Variants in GIPC2 observed in about 807,000 individuals in gnomAD.
GIPC2 encodes the protein GIPC PDZ domain containing family member 2.
In GIPC2, 30 loss-of-function variants were observed where a neutral mutation model predicts 30.6. That is an observed-to-expected ratio of 0.98 (90% confidence interval 0.73 to 1.33). The LOEUF is 1.33. Ranked by LOEUF, GIPC2 falls within the 40% of genes most tolerant of loss-of-function variation. GIPC2 has a pLI of 0.00. For synonymous variants in GIPC2, 167 were observed against 150.0 expected (o/e 1.11, Z -0.83); for missense variants, 414 against 390.3 (o/e 1.06, Z -0.51).
chr1:78,056,534 G>T (rs1661301062), intron 1 of GIPC2, among the ~76,000 whole-genome samples: 2 of 152,208 alleles, frequency 1.3e-5, no homozygotes, highest in South Asian at 4.1e-4. Flanking sequence ...CAAGGAAATA[G>T]TGTAATTAAC....
At chr1:78,090,297 C>T (rs950741003) in intron 2 of GIPC2, among the ~76,000 whole-genome samples, 7 of 152,244 alleles carry the variant, frequency 4.6e-5, no homozygotes, top group South Asian at 2.1e-4. Context: ...TGGGTTCAAG[C>T]GATTCTCCTG....
intron 3 of GIPC2, among the ~76,000 whole-genome samples, chr1:78,111,413 A>G (rs747323323): frequency 2.0e-5 from 3 of 152,184 alleles, no homozygotes; most frequent in Non-Finnish European, 4.4e-5. Context: ...AGAGGACCTC[A>G]GATGGAGCAA....
chr1:78,048,966 C>T (rs1557524034), intron 1 of GIPC2, among the ~76,000 whole-genome samples: 1 of 152,136 alleles, frequency 6.6e-6, no homozygotes, highest in Admixed American at 6.5e-5. Context: ...AGTTTTCCAT[C>T]TGGATTAGAA....
Position 78,046,313 on chromosome 1 carries a change from G to T in GIPC2, c.219G>T (p.Ala73=). 1 of 1,611,266 alleles carries T rather than the reference G, an allele frequency of 6.2e-7. No homozygotes were observed. Among genetic ancestry groups the T allele is most frequent in the Non-Finnish European group, 8.5e-7 (1 of 1,179,410 alleles). ...IQELYAQIAG[A]FEISPSEILY... is the part of the protein sequence containing the mutation. ...AGCTCTACGCCCAGATCGCGGGCGC[G>T]TTTGAAATCTCGCCGTCGGAGGTAA... The change falls in exon 1 of 6, where the codon GCG becomes GCT. Residue 73 remains alanine, a synonymous_variant. Transcript: ENST00000370759.
At chr1:78,107,183 T>C (rs1662370806) in intron 3 of GIPC2, among the ~76,000 whole-genome samples, 1 of 151,070 alleles carries the variant, frequency 6.6e-6, no homozygotes, top group Non-Finnish European at 1.5e-5. Context: ...CCTCCCTCCT[T>C]CCAGGGTCTC....
chr1:78,100,585 A>G (rs957609511), intron 3 of GIPC2, among the ~76,000 whole-genome samples: 1 of 152,174 alleles, frequency 6.6e-6, no homozygotes, highest in Non-Finnish European at 1.5e-5. Context: ...GAAATTATAA[A>G]TACAATTTTG....
At chr1:78,098,591 C>G (rs886403857) in intron 3 of GIPC2, among the ~76,000 whole-genome samples, 1 of 152,120 alleles carries the variant, frequency 6.6e-6, no homozygotes, top group Non-Finnish European at 1.5e-5. Flanking sequence ...TCCTGCCTTT[C>G]GAGGAGCTCA....
In GIPC2 at chr1:78,082,141, A is replaced by G. The variant is rs185603286; in HGVS notation, c.426+1281A>G. ...ATGGATAGGTACTATTTCCAACCTT[A>G]TTTTACAGATGTGGAAACAGGCTCA... On this transcript the variant is annotated intron_variant, in intron 2 of 5. Coordinates refer to ENST00000370759, the MANE Select transcript of GIPC2 (RefSeq NM_017655.6). Among the ~76,000 whole-genome samples the G allele has an allele frequency of 5.3e-5, 8 of 152,204 alleles. No individual in the cohort carries two copies. The East Asian group carries it at 1.3e-3, about 26-fold the overall frequency.
intron 1 of GIPC2, among the ~76,000 whole-genome samples, chr1:78,075,169 A>AAT (rs1239224164): frequency 6.6e-6 from 1 of 152,310 alleles, no homozygotes; most frequent in African/African-American, 2.4e-5. Context: ...ATTTTACATA[A>AAT]AAGAGAGCTG....
At chr1:78,116,665 T>G (rs1231076126) in intron 3 of GIPC2, among the ~76,000 whole-genome samples, 1 of 152,180 alleles carries the variant, frequency 6.6e-6, no homozygotes, top group Admixed American at 6.5e-5. Context: ...TTCATCCATG[T>G]CCCTACAAAG....
chr1:78,117,233 A>G (rs1159716754), intron 3 of GIPC2, among the ~76,000 whole-genome samples: 1 of 152,230 alleles, frequency 6.6e-6, no homozygotes, highest in African/African-American at 2.4e-5. Flanking sequence ...CTAAGTAAGA[A>G]TGCAGGCCAC....
At chr1:78,106,896 G>A (rs889224060) in intron 3 of GIPC2, among the ~76,000 whole-genome samples, 18 of 151,946 alleles carry the variant, frequency 1.2e-4, no homozygotes, top group African/African-American at 3.1e-4. Context: ...GGCTGGTCTC[G>A]AACTCGCGAC....
chr1:78,113,192 A>C (rs890996931), intron 3 of GIPC2, among the ~76,000 whole-genome samples: 10 of 152,032 alleles, frequency 6.6e-5, no homozygotes, highest in African/African-American at 2.2e-4. Flanking sequence ...CACAACCTTA[A>C]TGCATATGTG....
At chr1:78,091,751 A>G (rs984060963) in intron 2 of GIPC2, 1 of 776,164 alleles carries the variant, frequency 1.3e-6, no homozygotes, top group Non-Finnish European at 2.4e-6. Context: ...ATTTGTTCTC[A>G]AGCACAAAGT....
intron 5 of GIPC2, among the ~76,000 whole-genome samples, chr1:78,134,347 T>C (rs1218839733): frequency 3.4e-5 from 3 of 89,184 alleles, no homozygotes; most frequent in Non-Finnish European, 7.4e-5. Flanking sequence ...TGTATGTATG[T>C]GTGTGTGTGT....
chr1:78,056,844 C>G (rs1033834227), intron 1 of GIPC2, among the ~76,000 whole-genome samples: 3 of 152,096 alleles, frequency 2.0e-5, no homozygotes, highest in Non-Finnish European at 4.4e-5. Flanking sequence ...TCCTAAACAC[C>G]ATAATTTGGA....
chr1:78,091,653 A>G (rs1269030506), intron 2 of GIPC2: 4 of 772,362 alleles, frequency 5.2e-6, no homozygotes, highest in Admixed American at 3.4e-5. Flanking sequence ...AGAATATGGC[A>G]TATGGATCTT....
intron 1 of GIPC2, among the ~76,000 whole-genome samples, chr1:78,079,223 C>G (rs902791303): frequency 1.3e-5 from 2 of 152,182 alleles, no homozygotes; most frequent in Non-Finnish European, 2.9e-5. Context: ...ATAGTTGTTT[C>G]CTGTAGGCAT....
intron 1 of GIPC2, among the ~76,000 whole-genome samples, chr1:78,053,258 A>G (rs1234365283): frequency 6.6e-6 from 1 of 152,178 alleles, no homozygotes; most frequent in African/African-American, 2.4e-5. Context: ...ACAGCAGATA[A>G]GACTGCTCTG....
Sources: gnomAD v4.1 joint callset for allele counts (sites outside exome capture counted in the v4.1 genomes callset) on GRCh38, gnomAD v4.1.1 for gene constraint, MANE v1.5 for transcripts, NCBI Gene and HGNC (gene_info 2026-07-23, HGNC 2026-07-21) for gene names.